DLG1: variants seen among roughly 807,000 people sequenced by gnomAD.
DLG1 encodes the protein discs large MAGUK scaffold protein 1, also known as disks large homolog 1.
A neutral mutation model predicts 123.4 loss-of-function variants in DLG1; 42 were observed. The ratio of observed to expected loss-of-function variants is 0.34; its 90% confidence interval spans 0.27 to 0.44. DLG1 has a LOEUF of 0.44. DLG1 is among the 20% of genes least tolerant of loss of function. The pLI is 1.00. For synonymous variants in DLG1, 317 were observed against 356.2 expected (o/e 0.89, Z 1.24); for missense variants, 942 against 1,082.6 (o/e 0.87, Z 1.82).
intron 5 of DLG1, among the ~76,000 whole-genome samples, chr3:197,168,499 G>T (rs1029901028): frequency 6.6e-6 from 1 of 152,180 alleles, no homozygotes; most frequent in Non-Finnish European, 1.5e-5. Context: ...AGGATGCTTT[G>T]GGCAAAGGTT....
chr3:197,158,520 G>A lies in DLG1; in HGVS notation c.484-8724C>T, dbSNP rs369522376. Among the ~76,000 whole-genome samples, 90 of 149,724 alleles carry A rather than the reference G, an allele frequency of 6.0e-4. 2 individuals carry two copies. The South Asian group carries it at 0.018, about 30-fold the overall frequency. ...GTGGTGGCACATGCCTGTAATCCCA[G>A]CTACTCGGGAGGCTGAGGCAGGAGA... On this transcript the variant is annotated intron_variant, in intron 5 of 24. Transcript: ENST00000667157.
At chr3:197,121,846 C>CAAAAAAAAAAAAAAAAAAAAAAAA (rs1776584553) in intron 11 of DLG1, among the ~76,000 whole-genome samples, 1 of 98,214 alleles carries the variant, frequency 1.0e-5, no homozygotes, top group Admixed American at 1.0e-4. Flanking sequence ...AAAAAAAAAT[C>CAAAAAAAAAAAAAAAAAAAAAAAA]AAATGTTATC....
intron 5 of DLG1, among the ~76,000 whole-genome samples, chr3:197,193,448 G>C (rs1254231979): frequency 1.3e-5 from 2 of 152,152 alleles, no homozygotes; most frequent in Non-Finnish European, 2.9e-5. Flanking sequence ...AAACAAGCTG[G>C]CTTTATCCAC....
chr3:197,190,719 G>A (rs1473710227), intron 5 of DLG1, among the ~76,000 whole-genome samples: 2 of 152,182 alleles, frequency 1.3e-5, no homozygotes, highest in Admixed American at 6.5e-5. Context: ...GCTGCTAAAA[G>A]GGTTTTGTCG....
chr3:197,054,304 C>T (rs1414193927), intron 23 of DLG1, among the ~76,000 whole-genome samples: 1 of 140,974 alleles, frequency 7.1e-6, no homozygotes, highest in East Asian at 2.1e-4. Context: ...TGTTTTTGGC[C>T]ATTATTTCTT....
At chr3:197,252,999 A>G (rs1052370889) in intron 4 of DLG1, among the ~76,000 whole-genome samples, 3 of 152,196 alleles carry the variant, frequency 2.0e-5, no homozygotes, top group Non-Finnish European at 4.4e-5. Flanking sequence ...CAGGAGAAAC[A>G]GGAGAAAATT....
chr3:197,048,171 A>G (rs1724724366), intron 24 of DLG1, among the ~76,000 whole-genome samples: 1 of 152,224 alleles, frequency 6.6e-6, no homozygotes, highest in South Asian at 2.1e-4. Context: ...AGAGCAACAG[A>G]AACCAAAACC....
At chr3:197,062,193 T>C (rs908760310) in intron 22 of DLG1, among the ~76,000 whole-genome samples, 3 of 152,176 alleles carry the variant, frequency 2.0e-5, no homozygotes, top group Admixed American at 6.5e-5. Flanking sequence ...CTGAACATCA[T>C]ACCTTAGCCC....
At chr3:197,056,178 G>A (rs1216140062) in intron 23 of DLG1, among the ~76,000 whole-genome samples, 1 of 152,172 alleles carries the variant, frequency 6.6e-6, no homozygotes, top group Non-Finnish European at 1.5e-5. Context: ...AGTAACATCA[G>A]ACAGATTCTG....
At chr3:197,237,010 A>C (rs1025837452) in intron 4 of DLG1, among the ~76,000 whole-genome samples, 2 of 151,868 alleles carry the variant, frequency 1.3e-5, no homozygotes, top group African/African-American at 4.9e-5. Flanking sequence ...AAAAACAAAA[A>C]CAACCCACAA....
chr3:197,090,359 T>A (rs1463381365), intron 15 of DLG1, among the ~76,000 whole-genome samples: 2 of 151,898 alleles, frequency 1.3e-5, no homozygotes, highest in Non-Finnish European at 2.9e-5. Flanking sequence ...ACCTATTTAT[T>A]AGACCTATGT....
chr3:197,162,309 C>T (rs1405360501), intron 5 of DLG1, among the ~76,000 whole-genome samples: 2 of 152,030 alleles, frequency 1.3e-5, no homozygotes, highest in Admixed American at 1.3e-4. Context: ...TAGAGAGAAC[C>T]TGGTATAAAT....
At chr3:197,136,757 T>TA in intron 9 of DLG1, 79 bp from the exon 10 acceptor site, 1 of 1,234,028 alleles carries the variant, frequency 8.1e-7, no homozygotes. Flanking sequence ...AACTACAAGG[T>TA]AATTATTCCC....
At chr3:197,201,225 T>C (rs1018252056) in intron 4 of DLG1, among the ~76,000 whole-genome samples, 1 of 152,014 alleles carries the variant, frequency 6.6e-6, no homozygotes, top group African/African-American at 2.4e-5. Flanking sequence ...CTACTAAAAA[T>C]ACAAAAAATT....
chr3:197,191,092 T>C (rs951945278), intron 5 of DLG1, among the ~76,000 whole-genome samples: 2 of 152,202 alleles, frequency 1.3e-5, no homozygotes, highest in East Asian at 1.9e-4. Flanking sequence ...TTCCCAATTA[T>C]AATGAAGTAG....
chr3:197,090,039 T>A (rs78524410), intron 15 of DLG1, among the ~76,000 whole-genome samples: 2 of 152,302 alleles, frequency 1.3e-5, no homozygotes, highest in Non-Finnish European at 2.9e-5. Context: ...AGTACCTGTT[T>A]GTGTGTATAG....
At chr3:197,070,717 TATATAGCACCATGCCCAACTA>T (rs1743292396) in intron 18 of DLG1, 3 of 151,650 alleles carry the variant, frequency 2.0e-5, no homozygotes, top group Admixed American at 2.0e-4. Context: ...GCACTGCAGG[TATATAGCACCATGCCCAACTA>T]ATTTTTCTAT....
At chr3:197,206,480 T>C (rs1728576021) in intron 4 of DLG1, among the ~76,000 whole-genome samples, 2 of 151,950 alleles carry the variant, frequency 1.3e-5, no homozygotes, top group Admixed American at 1.3e-4. Context: ...TTGTATTTTT[T>C]GTGGAGACAG....
chr3:197,062,381 CT>C (rs1302678731), intron 22 of DLG1, among the ~76,000 whole-genome samples: 7 of 152,212 alleles, frequency 4.6e-5, no homozygotes, highest in Non-Finnish European at 1.5e-5. Flanking sequence ...ATATGCATCA[CT>C]TTTGCGCCTC....
Sources: allele counts gnomAD v4.1 joint callset (sites outside exome capture counted in the v4.1 genomes callset), GRCh38; gene constraint gnomAD v4.1.1; transcripts MANE v1.5; gene names NCBI Gene and HGNC (gene_info 2026-07-23, HGNC 2026-07-21).